The following CDKL3 variants were observed in gnomAD, a reference collection of about 807,000 sequenced individuals.
The protein encoded by CDKL3 is cyclin dependent kinase like 3.
CDKL3 carries 65 observed loss-of-function variants against 69.3 expected under a neutral mutation model. That is an observed-to-expected ratio of 0.94 (90% CI 0.77 to 1.15). CDKL3 has a LOEUF of 1.15. CDKL3 is among the 50% of genes most tolerant of loss of function. The pLI is 0.00. For missense variants in CDKL3, 652 were observed against 689.2 expected, an observed-to-expected ratio of 0.95 and a Z score of 0.61; for synonymous variants, 202 against 221.6, an observed-to-expected ratio of 0.91 and a Z score of 0.79.
At chr5:134,298,354 A>G (rs999313458), downstream of CDKL3, 34 of 1,101,768 alleles carry the variant, frequency 3.1e-5, no homozygotes, top group Non-Finnish European at 4.4e-6. Context: ...GAGATCATTA[A>G]GTATAAGTAC....
chr5:134,336,393 G>T (rs1323722095), intron 4 of CDKL3, among the ~76,000 whole-genome samples: 1 of 152,196 alleles, frequency 6.6e-6, no homozygotes, highest in African/African-American at 2.4e-5. Context: ...TTCCTTTGGA[G>T]GAGAAGAGGC....
At chr5:134,350,831 G>GAAAAAAAA (rs112330114) in intron 3 of CDKL3, among the ~76,000 whole-genome samples, 25 of 82,404 alleles carry the variant, frequency 3.0e-4, no homozygotes, top group South Asian at 7.5e-4. Context: ...AGAAAAAAAA[G>GAAAAAAAA]AAAAAAAAAA....
chr5:134,346,028 C>T (rs1231060878), intron 4 of CDKL3, among the ~76,000 whole-genome samples: 2 of 152,116 alleles, frequency 1.3e-5, no homozygotes, highest in Non-Finnish European at 2.9e-5. Context: ...CCTTTCTCCC[C>T]CAAGGTGTAT....
intron 5 of CDKL3, among the ~76,000 whole-genome samples, chr5:134,319,776 C>T (rs1369701216): frequency 6.6e-6 from 1 of 152,180 alleles, no homozygotes; most frequent in Non-Finnish European, 1.5e-5. Context: ...ATATGTAATG[C>T]TATCAGAAAA....
chr5:134,326,840 T>TAC (rs1774445857), intron 4 of CDKL3, among the ~76,000 whole-genome samples: 3 of 113,930 alleles, frequency 2.6e-5, no homozygotes, highest in Non-Finnish European at 5.1e-5. Flanking sequence ...TATATATATA[T>TAC]ATATATATAT....
At chr5:134,358,514 GCTTT>G (rs1755173683) in intron 3 of CDKL3, among the ~76,000 whole-genome samples, 1 of 150,248 alleles carries the variant, frequency 6.7e-6, no homozygotes, top group East Asian at 1.9e-4. Context: ...CTCCCTACCA[GCTTT>G]CTTTTCTTTT....
intron 2 of CDKL3, among the ~76,000 whole-genome samples, chr5:134,364,772 C>T (rs1226630998): frequency 1.3e-5 from 2 of 151,588 alleles, no homozygotes; most frequent in Non-Finnish European, 2.9e-5. Flanking sequence ...CTCAGCCTCC[C>T]AAAGTTCTGA....
At chr5:134,284,187 G>A (rs752977672), downstream of CDKL3, among the ~76,000 whole-genome samples, 3 of 152,140 alleles carry the variant, frequency 2.0e-5, no homozygotes, top group African/African-American at 2.4e-5. Context: ...ATATTTCAAC[G>A]TAGGTTCTTT....
downstream of CDKL3, among the ~76,000 whole-genome samples, chr5:134,285,280 A>C (rs1218766302): frequency 6.6e-6 from 1 of 152,186 alleles, no homozygotes; most frequent in African/African-American, 2.4e-5. Context: ...GTTCTCCATG[A>C]GGGCCCCACC....
At chr5:134,321,005 C>CTTT (rs1047803739) in intron 5 of CDKL3, among the ~76,000 whole-genome samples, 42 of 123,558 alleles carry the variant, frequency 3.4e-4, no homozygotes, top group African/African-American at 8.1e-4. Context: ...CAAACATATT[C>CTTT]TTTTTTTTTT....
chr5:134,358,773 G>A (rs1309676284), intron 3 of CDKL3, among the ~76,000 whole-genome samples: 1 of 151,880 alleles, frequency 6.6e-6, no homozygotes, highest in East Asian at 1.9e-4. Flanking sequence ...CTGATGCCCA[G>A]CTAATTTATT....
At chr5:134,353,545 T>G (rs959240403) in intron 3 of CDKL3, among the ~76,000 whole-genome samples, 1 of 149,160 alleles carries the variant, frequency 6.7e-6, no homozygotes, top group Non-Finnish European at 1.5e-5. Context: ...AGATGTGTGA[T>G]CATGTCACTT....
At chr5:134,324,230 A>C (rs1773529274) in intron 4 of CDKL3, among the ~76,000 whole-genome samples, 1 of 152,264 alleles carries the variant, frequency 6.6e-6, no homozygotes, top group Non-Finnish European at 1.5e-5. Flanking sequence ...AGGTACTCTC[A>C]TTCATTGCTG....
chr5:134,311,995 T>C (rs775733456), intron 7 of CDKL3, among the ~76,000 whole-genome samples: 13 of 152,004 alleles, frequency 8.6e-5, no homozygotes, highest in Non-Finnish European at 1.6e-4. Flanking sequence ...GGGGTCTCTC[T>C]ATGTTGCCCA....
chr5:134,368,376 T>C (rs1037409598), upstream of CDKL3, among the ~76,000 whole-genome samples: 4 of 152,176 alleles, frequency 2.6e-5, no homozygotes, highest in Admixed American at 2.0e-4. Context: ...CCCAGCACTT[T>C]GGGAGGCCCA....
At chr5:134,345,163 T>C (rs1363679460) in intron 4 of CDKL3, among the ~76,000 whole-genome samples, 1 of 151,926 alleles carries the variant, frequency 6.6e-6, no homozygotes, top group Non-Finnish European at 1.5e-5. Context: ...GTGTCATAGA[T>C]AAAGGGTATG....
At chr5:134,360,150 T>A (rs1044004354) in intron 2 of CDKL3, 59 bp from the exon 3 acceptor site, 31 of 1,119,280 alleles carry the variant, frequency 2.8e-5, no homozygotes, top group Non-Finnish European at 3.8e-5. Flanking sequence ...AATTTGTACA[T>A]ATAACGTGTA....
intron 3 of CDKL3, among the ~76,000 whole-genome samples, chr5:134,357,424 G>C (rs1436176094): frequency 1.3e-5 from 2 of 151,110 alleles, no homozygotes; most frequent in Non-Finnish European, 2.9e-5. Context: ...GGGCTACAGA[G>C]CAAGACTCTG....
At chr5:134,301,343 T>C (rs1451376810) in intron 12 of CDKL3, among the ~76,000 whole-genome samples, 1 of 152,160 alleles carries the variant, frequency 6.6e-6, no homozygotes, top group Non-Finnish European at 1.5e-5. Flanking sequence ...CAAAGTGGAC[T>C]GTGGAGTTCT....
Sources: allele counts gnomAD v4.1 joint callset (sites outside exome capture counted in the v4.1 genomes callset), GRCh38; gene constraint gnomAD v4.1.1; transcripts MANE v1.5; gene names NCBI Gene and HGNC (gene_info 2026-07-23, HGNC 2026-07-21).